RAB3IP: variants seen among roughly 807,000 people sequenced by gnomAD.
RAB3IP encodes the protein rab-3A-interacting protein.
In RAB3IP, 36 loss-of-function variants were observed where a neutral mutation model predicts 59.1. The observed-to-expected ratio is 0.61, with a 90% CI of 0.47 to 0.80. The LOEUF is 0.80. RAB3IP is among the 30% of genes least tolerant of loss of function. The pLI, the probability that RAB3IP is intolerant of heterozygous loss-of-function variation, is 0.00. For synonymous variants in RAB3IP, 207 were observed against 191.2 expected, an observed-to-expected ratio of 1.08 and a Z score of -0.68; for missense variants, 511 against 536.0, an observed-to-expected ratio of 0.95 and a Z score of 0.46.
chr12:69,755,290 T>C (rs1392015541), intron 1 of RAB3IP, 94 bp from the exon 2 acceptor site: 6 of 1,104,334 alleles, frequency 5.4e-6, no homozygotes, highest in South Asian at 3.3e-5. Flanking sequence ...TAATTTACAA[T>C]GGACTGTTAA....
At chr12:69,806,494 T>G (rs1466250569) in intron 8 of RAB3IP, among the ~76,000 whole-genome samples, 1 of 151,886 alleles carries the variant, frequency 6.6e-6, no homozygotes, top group Non-Finnish European at 1.5e-5. Context: ...CGTCTCTATT[T>G]CCTTCAGTTC....
intron 4 of RAB3IP, among the ~76,000 whole-genome samples, chr12:69,789,076 AAAAG>A (rs1485077093): frequency 6.6e-6 from 1 of 152,092 alleles, no homozygotes; most frequent in Non-Finnish European, 1.5e-5. Context: ...CCTACATTAA[AAAAG>A]AAGAACAATC....
intron 3 of RAB3IP, among the ~76,000 whole-genome samples, chr12:69,761,288 A>T (rs181213972): frequency 6.6e-6 from 1 of 152,092 alleles, no homozygotes; most frequent in African/African-American, 2.4e-5. Context: ...ATATGTTGGG[A>T]TGCAGTTTAA....
chr12:69,747,122 C>T (rs1051459163), intron 1 of RAB3IP, among the ~76,000 whole-genome samples: 8 of 152,058 alleles, frequency 5.3e-5, no homozygotes, highest in Non-Finnish European at 2.9e-5. Flanking sequence ...AGTGATAGTG[C>T]TTGTGCTGAT....
intron 1 of RAB3IP, among the ~76,000 whole-genome samples, chr12:69,746,252 A>T (rs1481451757): frequency 3.3e-5 from 5 of 151,046 alleles, no homozygotes; most frequent in Admixed American, 3.3e-4. Flanking sequence ...CCATCTCTTC[A>T]GGATAAACTT....
rs768783256 is a variant in RAB3IP, at chr12:69,801,623, T to A, written c.1032T>A (p.Val344=). 7 of 1,611,364 alleles carry A rather than the reference T, an allele frequency of 4.3e-6. No individual in the cohort carries two copies. Among genetic ancestry groups the A allele is most frequent in the African/African-American group, 1.3e-5 (1 of 74,788 alleles). ...TFSKSELASA[V]LEAVENNTLS... ...TTTTTTTTAAGTTGGCTTCAGCTGTTCTGGAGGCTGTGGAAAACAATACTC... is the reference window on the plus strand; with the variant it reads ...TTTTTTTTAAGTTGGCTTCAGCTGTACTGGAGGCTGTGGAAAACAATACTC... Residue 344 remains valine (V), a synonymous_variant, in exon 8 of 11, where the codon GTT becomes GTA. Coordinates refer to ENST00000247833, the MANE Select transcript of RAB3IP (RefSeq NM_022456.5).
chr12:69,751,805 A>G (rs777088949), intron 1 of RAB3IP, among the ~76,000 whole-genome samples: 4 of 152,106 alleles, frequency 2.6e-5, no homozygotes, highest in Non-Finnish European at 4.4e-5. Context: ...TTAAGCTACC[A>G]TCTCAGTACA....
chr12:69,792,444 A>G (rs1876784350), intron 4 of RAB3IP, among the ~76,000 whole-genome samples: 1 of 152,220 alleles, frequency 6.6e-6, no homozygotes, highest in Non-Finnish European at 1.5e-5. Flanking sequence ...TTGCAACAGC[A>G]GAGCTGAGGA....
chr12:69,763,155 T>C (rs1871633717), intron 3 of RAB3IP, among the ~76,000 whole-genome samples: 1 of 152,162 alleles, frequency 6.6e-6, no homozygotes, highest in Non-Finnish European at 1.5e-5. Flanking sequence ...TTTTTTAAGA[T>C]TGTGAACAAA....
intron 3 of RAB3IP, among the ~76,000 whole-genome samples, chr12:69,778,508 C>T (rs1874033956): frequency 6.7e-6 from 1 of 148,676 alleles, no homozygotes; most frequent in Admixed American, 6.7e-5. Context: ...TTAGAGTTTC[C>T]AGTTTTTCTG....
At chr12:69,802,948 C>G (rs956522959) in intron 8 of RAB3IP, among the ~76,000 whole-genome samples, 1 of 152,144 alleles carries the variant, frequency 6.6e-6, no homozygotes, top group African/African-American at 2.4e-5. Context: ...TTCTTAAATT[C>G]TACAAATACC....
intron 3 of RAB3IP, among the ~76,000 whole-genome samples, chr12:69,767,522 G>A (rs7974152): frequency 0.21 from 32,337 of 152,210 alleles, 4,171 homozygotes; most frequent in Middle Eastern, 0.35. Context: ...TCCAATGGGC[G>A]GCCACCAAGT....
chr12:69,739,670 C>A lies in RAB3IP; in HGVS notation c.-26+639C>A, dbSNP rs1359363750. The A allele has an allele frequency of 4.5e-6, 3 of 659,900 alleles. No homozygotes were observed. In the African/African-American group the frequency reaches 5.5e-5, roughly 12 times the overall value. 40.9% of individuals were successfully genotyped at this position (659,900 alleles called of 1,614,324 possible). On this transcript the variant is annotated intron_variant, in intron 1 of 10. Transcript: ENST00000247833. Reference sequence around the variant, plus strand: ...CGGAGTCGCGCCCAAGTAGGCAGCTCCGTGCCGCCAGACTTGTGTTCGGGG... The same window carrying A: ...CGGAGTCGCGCCCAAGTAGGCAGCTACGTGCCGCCAGACTTGTGTTCGGGG...
At chr12:69,764,167 A>G (rs1871819098) in intron 3 of RAB3IP, among the ~76,000 whole-genome samples, 1 of 152,192 alleles carries the variant, frequency 6.6e-6, no homozygotes, top group South Asian at 2.1e-4. Flanking sequence ...TTCTTTCCCA[A>G]GGCTGATGTC....
chr12:69,780,811 T>G (rs1874570234), intron 3 of RAB3IP, among the ~76,000 whole-genome samples: 1 of 152,138 alleles, frequency 6.6e-6, no homozygotes, highest in African/African-American at 2.4e-5. Context: ...CCTAAATCTT[T>G]TTTTTTTTTA....
At position 69,766,532 on chromosome 12, in the gene RAB3IP, T is replaced by TC. The variant is rs925155161; in HGVS notation, c.510+9869_510+9870insC. Among the ~76,000 whole-genome samples the TC allele has an allele frequency of 9.2e-5, 14 of 151,746 alleles. No individual in the cohort carries two copies. The Middle Eastern group carries it at 0.017, about 184-fold the overall frequency. ...GATTTCTTTTTCTTTTCTTTTCTTT[T>TC]TTTTTTTAAGACAGTTTCACTCTTG... is the stretch of plus-strand genomic sequence containing the variant. On this transcript the variant is annotated intron_variant, in intron 3 of 10. Transcript: ENST00000247833.
At chr12:69,745,965 T>C (rs1026071500) in intron 1 of RAB3IP, among the ~76,000 whole-genome samples, 1 of 152,304 alleles carries the variant, frequency 6.6e-6, no homozygotes, top group East Asian at 1.9e-4. Flanking sequence ...TTTTTATATA[T>C]CTGTAAAGTA....
At chr12:69,797,990 G>T (rs1057052422) in intron 6 of RAB3IP, among the ~76,000 whole-genome samples, 1 of 152,150 alleles carries the variant, frequency 6.6e-6, no homozygotes, top group African/African-American at 2.4e-5. Flanking sequence ...ACATACGTGT[G>T]CGTGTGTCTT....
At chr12:69,754,250 A>G (rs1869808088) in intron 1 of RAB3IP, among the ~76,000 whole-genome samples, 2 of 152,046 alleles carry the variant, frequency 1.3e-5, no homozygotes, top group South Asian at 4.2e-4. Flanking sequence ...GGTAATTTTA[A>G]TCAATGTTAA....
Sources: gnomAD v4.1 joint callset for allele counts (sites outside exome capture counted in the v4.1 genomes callset) on GRCh38, gnomAD v4.1.1 for gene constraint, MANE v1.5 for transcripts, NCBI Gene and HGNC (gene_info 2026-07-23, HGNC 2026-07-21) for gene names.